Variants in MACROD2 observed in about 807,000 individuals in gnomAD.
MACROD2 encodes ADP-ribose glycohydrolase MACROD2.
A neutral mutation model predicts 70.4 loss-of-function variants in MACROD2; 36 were observed. The ratio of observed to expected loss-of-function variants is 0.51; its 90% CI spans 0.39 to 0.68. The LOEUF is 0.68. MACROD2 is among the 30% of genes least tolerant of loss of function. The pLI, the probability that MACROD2 is intolerant of heterozygous loss-of-function variation, is 0.00. For missense variants in MACROD2, 496 were observed against 538.4 expected (o/e 0.92, Z 0.78); for synonymous variants, 172 against 178.8 (o/e 0.96, Z 0.30).
At chr20:15,162,316 G>T (rs2145876340) in intron 5 of MACROD2, among the ~76,000 whole-genome samples, 1 of 152,114 alleles carries the variant, frequency 6.6e-6, no homozygotes, top group East Asian at 1.9e-4. Flanking sequence ...AAAATTAATA[G>T]CCATAAGAGA....
intron 5 of MACROD2, among the ~76,000 whole-genome samples, chr20:15,128,272 TC>T (rs2076080798): frequency 6.6e-6 from 1 of 152,120 alleles, no homozygotes; most frequent in Non-Finnish European, 1.5e-5. Flanking sequence ...TGGTTTTAAG[TC>T]CTACCATATG....
At chr20:14,371,131 A>G (rs2083318451) in intron 3 of MACROD2, among the ~76,000 whole-genome samples, 1 of 152,114 alleles carries the variant, frequency 6.6e-6, no homozygotes, top group African/African-American at 2.4e-5. Context: ...AGCAATTTAT[A>G]CTTCATTATA....
chr20:15,724,315 C>T (rs1370208656), intron 8 of MACROD2, among the ~76,000 whole-genome samples: 2 of 151,994 alleles, frequency 1.3e-5, no homozygotes, highest in African/African-American at 4.8e-5. Flanking sequence ...TGGATTATGC[C>T]TTTGGTGTTG....
intron 6 of MACROD2, among the ~76,000 whole-genome samples, chr20:15,246,704 A>G (rs1255496363): frequency 6.6e-6 from 1 of 152,216 alleles, no homozygotes; most frequent in Non-Finnish European, 1.5e-5. Context: ...TGATCAAACA[A>G]TTCCACTTCT....
At chr20:15,031,067 A>G (rs1416345107) in intron 5 of MACROD2, among the ~76,000 whole-genome samples, 3 of 152,188 alleles carry the variant, frequency 2.0e-5, no homozygotes, top group Non-Finnish European at 4.4e-5. Flanking sequence ...GGGTCTGGCC[A>G]CTGTGCACAG....
At chr20:14,717,448 A>G (rs1031834677) in intron 5 of MACROD2, among the ~76,000 whole-genome samples, 5 of 152,140 alleles carry the variant, frequency 3.3e-5, no homozygotes, top group African/African-American at 1.2e-4. Context: ...AGTAAAATAA[A>G]TCATTTAAAG....
At chr20:14,575,035 AAAAAAAAT>A (rs60411673) in intron 4 of MACROD2, among the ~76,000 whole-genome samples, 79,656 of 133,398 alleles carry the variant, frequency 0.6, 24,573 homozygotes, top group East Asian at 0.89. Flanking sequence ...AAAAAAAAAA[AAAAAAAAT>A]ATTCACAAAG....
intron 4 of MACROD2, among the ~76,000 whole-genome samples, chr20:14,558,296 C>A (rs1251922768): frequency 6.6e-6 from 1 of 151,610 alleles, no homozygotes; most frequent in Non-Finnish European, 1.5e-5. Context: ...AGTCTATGAA[C>A]ATACAAAAAC....
At position 14,218,212 on chromosome 20, in the gene MACROD2, T is replaced by A. The variant is rs1449771794; in HGVS notation, c.271+132484T>A. 2.0e-5 allele frequency among the ~76,000 whole-genome samples: 3 copies of A among 152,308 alleles called. No homozygotes were observed. In the East Asian group the frequency reaches 5.8e-4, roughly 29 times the overall value. ...GGAGCCCCAGTGTTAGGTGCATATATGTTTAGAATTGTGATATTTTCCTGT... is the reference window on the plus strand; with the variant it reads ...GGAGCCCCAGTGTTAGGTGCATATAAGTTTAGAATTGTGATATTTTCCTGT... On this transcript the variant is annotated intron_variant, in intron 3 of 17. Coordinates refer to ENST00000684519, the MANE Select transcript of MACROD2 (RefSeq NM_001351661.2).
intron 3 of MACROD2, among the ~76,000 whole-genome samples, chr20:14,174,720 T>C (rs989606761): frequency 3.3e-5 from 5 of 152,304 alleles, no homozygotes; most frequent in Admixed American, 2.6e-4. Context: ...CAGTTGAAAT[T>C]GTTACAAAGT....
intron 8 of MACROD2, among the ~76,000 whole-genome samples, chr20:15,596,732 G>T (rs1015844662): frequency 6.6e-6 from 1 of 152,152 alleles, no homozygotes; most frequent in Non-Finnish European, 1.5e-5. Context: ...CCCATGCCTT[G>T]CATGGGAGGA....
chr20:15,635,836 G>A (rs1179903681), intron 8 of MACROD2, among the ~76,000 whole-genome samples: 1 of 152,066 alleles, frequency 6.6e-6, no homozygotes, highest in Non-Finnish European at 1.5e-5. Context: ...GGGAGGCCGA[G>A]GCAGGCGGAT....
intron 5 of MACROD2, among the ~76,000 whole-genome samples, chr20:14,841,415 A>C (rs1319938238): frequency 1.3e-5 from 2 of 152,176 alleles, no homozygotes; most frequent in East Asian, 1.9e-4. Flanking sequence ...CTTCACTGTC[A>C]TGGAAAAGAT....
chr20:15,866,700 C>T lies in MACROD2; in HGVS notation c.727+3874C>T, dbSNP rs983360525. On this transcript the variant is annotated intron_variant, in intron 9 of 17. Coordinates refer to ENST00000684519, the MANE Select transcript of MACROD2 (RefSeq NM_001351661.2). ...GGGGAAAGTCCCATTTCATCTGCTG[C>T]CCATCATTTTTCAGAGATGCCATGC... Among the ~76,000 whole-genome samples the T allele has an allele frequency of 2.6e-5, 4 of 152,228 alleles. 1 individual carries two copies. The South Asian group carries it at 8.3e-4, about 32-fold the overall frequency.
chr20:15,100,306 TATGATATTTTTG>T (rs2075862637), intron 5 of MACROD2, among the ~76,000 whole-genome samples: 1 of 59,212 alleles, frequency 1.7e-5, no homozygotes, highest in African/African-American at 9.1e-5. Flanking sequence ...ATTTTTGACT[TATGATATTTTTG>T]ACTTATGATG....
At chr20:14,891,918 C>T (rs1421551572) in intron 5 of MACROD2, among the ~76,000 whole-genome samples, 1 of 152,108 alleles carries the variant, frequency 6.6e-6, no homozygotes, top group Non-Finnish European at 1.5e-5. Flanking sequence ...CCCCTCTCTC[C>T]TCATCAATAA....
intron 5 of MACROD2, among the ~76,000 whole-genome samples, chr20:14,798,045 A>G (rs993710276): frequency 2.6e-5 from 4 of 152,060 alleles, no homozygotes; most frequent in African/African-American, 9.7e-5. Flanking sequence ...TTTTCTATGA[A>G]CTTACTATAT....
chr20:14,772,318 ATTAG>A (rs2072179589), intron 5 of MACROD2, among the ~76,000 whole-genome samples: 1 of 151,960 alleles, frequency 6.6e-6, no homozygotes, highest in Non-Finnish European at 1.5e-5. Flanking sequence ...GTATATGTGT[ATTAG>A]TTCATTTTCA....
At chr20:15,503,198 T>G (rs1279805890) in intron 8 of MACROD2, among the ~76,000 whole-genome samples, 1 of 152,116 alleles carries the variant, frequency 6.6e-6, no homozygotes, top group East Asian at 1.9e-4. Context: ...GCTGGGTAAA[T>G]TTTGGTGCAT....
Sources: gnomAD v4.1 joint callset for allele counts (sites outside exome capture counted in the v4.1 genomes callset) on GRCh38, gnomAD v4.1.1 for gene constraint, MANE v1.5 for transcripts, NCBI Gene and HGNC (gene_info 2026-07-23, HGNC 2026-07-21) for gene names.